Variants in SEMA5A observed in about 807,000 individuals in gnomAD.
SEMA5A encodes semaphorin-5A.
Under a neutral mutation model 135.5 loss-of-function variants are expected in SEMA5A, and 55 were observed. The ratio of observed to expected loss-of-function variants is 0.41; its 90% confidence interval spans 0.33 to 0.51. The LOEUF (loss-of-function observed/expected upper bound fraction) is 0.51. SEMA5A is among the 20% of genes least tolerant of loss of function. The pLI is 0.37. For missense variants in SEMA5A, 1,290 were observed against 1,419.9 expected, an observed-to-expected ratio of 0.91 and a Z score of 1.47; for synonymous variants, 580 against 546.5, an observed-to-expected ratio of 1.06 and a Z score of -0.85.
At chr5:9,432,311 T>A (rs570842429) in intron 2 of SEMA5A, among the ~76,000 whole-genome samples, 1 of 152,264 alleles carries the variant, frequency 6.6e-6, no homozygotes, top group East Asian at 1.9e-4. Flanking sequence ...TTATCCCAAA[T>A]TACAACCACT....
chr5:9,424,247 C>T (rs1757567977), intron 2 of SEMA5A, among the ~76,000 whole-genome samples: 1 of 152,108 alleles, frequency 6.6e-6, no homozygotes, highest in Non-Finnish European at 1.5e-5. Flanking sequence ...GATCTTATTT[C>T]CTATAGCCAG....
chr5:9,381,942 T>TTGTGTGTGTGTGTGTGTGTGTGTGTG (rs148157627), intron 2 of SEMA5A, among the ~76,000 whole-genome samples: 2 of 109,304 alleles, frequency 1.8e-5, no homozygotes, highest in African/African-American at 3.6e-5. Context: ...TAGAATCATT[T>TTGTGTGTGTGTGTGTGTGTGTGTGTG]TGTGTGTGTG....
At chr5:9,179,720 G>T (rs1433430396) in intron 11 of SEMA5A, among the ~76,000 whole-genome samples, 1 of 152,048 alleles carries the variant, frequency 6.6e-6, no homozygotes, top group Non-Finnish European at 1.5e-5. Flanking sequence ...TTTTAATCGG[G>T]CCTAAAACAA....
At chr5:9,466,108 T>C (rs988846726) in intron 1 of SEMA5A, among the ~76,000 whole-genome samples, 1 of 152,104 alleles carries the variant, frequency 6.6e-6, no homozygotes, top group African/African-American at 2.4e-5. Flanking sequence ...GGGGTGCAAG[T>C]ATCTGAGTAG....
intron 3 of SEMA5A, among the ~76,000 whole-genome samples, chr5:9,341,762 G>C (rs1351369295): frequency 1.3e-5 from 2 of 150,246 alleles, no homozygotes; most frequent in African/African-American, 4.9e-5. Context: ...TAATATTTGA[G>C]GTTAACTATC....
At chr5:9,047,974 A>G (rs1208627429) in intron 21 of SEMA5A, among the ~76,000 whole-genome samples, 8 of 152,162 alleles carry the variant, frequency 5.3e-5, no homozygotes, top group Non-Finnish European at 1.2e-4. Context: ...AGCAGGAGGA[A>G]AGTGAACTGC....
chr5:9,399,911 G>C (rs943065265), intron 2 of SEMA5A, among the ~76,000 whole-genome samples: 1 of 152,090 alleles, frequency 6.6e-6, no homozygotes, highest in Non-Finnish European at 1.5e-5. Context: ...AGATGGTGAA[G>C]GGGGATAAGA....
rs115125527 is a variant in SEMA5A at position 9,313,990 on chromosome 5, G to A, written c.270+4382C>T. Among the ~76,000 whole-genome samples the A allele has an allele frequency of 1.0e-2, 1,515 of 152,218 alleles. 16 individuals carry two copies. The highest frequency in any genetic ancestry group is 0.035 in the African/African-American group (1,459 of 41,522). ...GTCCTGCATAGGGGCAGGACCCAAG[G>A]ATGCCTTGTCTAGTGTTAAATAAAG... On this transcript the variant is annotated intron_variant, in intron 5 of 22. Transcript: ENST00000382496.
At chr5:9,134,729 T>C (rs542553089) in intron 13 of SEMA5A, among the ~76,000 whole-genome samples, 1 of 152,346 alleles carries the variant, frequency 6.6e-6, no homozygotes, top group South Asian at 2.1e-4. Flanking sequence ...TATTATCTTG[T>C]GCCTTTTTTA....
At chr5:9,222,073 G>T (rs1747035331) in intron 8 of SEMA5A, among the ~76,000 whole-genome samples, 1 of 152,194 alleles carries the variant, frequency 6.6e-6, no homozygotes, top group Non-Finnish European at 1.5e-5. Context: ...GGCTGGATTT[G>T]GTGGGAGTCA....
intron 1 of SEMA5A, among the ~76,000 whole-genome samples, chr5:9,487,018 G>GA (rs5865836): frequency 2.7e-5 from 4 of 149,028 alleles, no homozygotes; most frequent in East Asian, 3.9e-4. Flanking sequence ...GATTGTCTCT[G>GA]AAAAAAAAAA....
At chr5:9,054,934 G>T (rs778408632) in intron 18 of SEMA5A, among the ~76,000 whole-genome samples, 1 of 152,140 alleles carries the variant, frequency 6.6e-6, no homozygotes, top group Non-Finnish European at 1.5e-5. Flanking sequence ...GATATTAAGG[G>T]TGCAGTTTTA....
chr5:9,148,160 G>A (rs1039309237), intron 12 of SEMA5A, among the ~76,000 whole-genome samples: 6 of 152,146 alleles, frequency 3.9e-5, no homozygotes, highest in Admixed American at 2.0e-4. Context: ...AAATTCCATG[G>A]TGTTCAGAAA....
intron 2 of SEMA5A, among the ~76,000 whole-genome samples, chr5:9,384,599 GAT>G (rs1755767283): frequency 3.5e-5 from 4 of 112,776 alleles, no homozygotes; most frequent in African/African-American, 1.6e-4. Context: ...TAGATAGATA[GAT>G]AGATAGATAG....
At chr5:9,303,380 T>C (rs1403839086) in intron 5 of SEMA5A, among the ~76,000 whole-genome samples, 1 of 152,138 alleles carries the variant, frequency 6.6e-6, no homozygotes, top group East Asian at 1.9e-4. Context: ...CCTCCCAAAG[T>C]GCTGGGAACT....
chr5:9,102,752 G>T (rs1275504940), intron 16 of SEMA5A, among the ~76,000 whole-genome samples: 8 of 152,044 alleles, frequency 5.3e-5, no homozygotes. Context: ...AATAAGCAGT[G>T]GTTTGTAGAA....
intron 5 of SEMA5A, among the ~76,000 whole-genome samples, chr5:9,284,106 T>TAGAGAGAGAGAGAG (rs3034563): frequency 8.1e-5 from 12 of 148,486 alleles, no homozygotes; most frequent in African/African-American, 2.7e-4. Context: ...AGATAGATAT[T>TAGAGAGAGAGAGAG]AGAGAGAGAG....
chr5:9,111,606 T>C (rs1027792803), intron 15 of SEMA5A, among the ~76,000 whole-genome samples: 7 of 152,148 alleles, frequency 4.6e-5, no homozygotes, highest in African/African-American at 1.7e-4. Context: ...CCTATAGTAG[T>C]CCATGAAACA....
chr5:9,042,767 A>G lies in SEMA5A; in HGVS notation c.*130T>C. On this transcript the variant is annotated 3_prime_UTR_variant, in exon 23 of 23. Transcript: ENST00000382496. The stretch of plus-strand genomic sequence containing the variant: ...CGTGTATTTTTGGCAGCAATGGGAC[A>G]CTCTGGTGGCTTGAAATGCACTTGA... 2 of 1,104,508 alleles carry G rather than the reference A, an allele frequency of 1.8e-6. No homozygotes were observed. Among genetic ancestry groups the G allele is most frequent in the East Asian group, 2.5e-5 (1 of 40,816 alleles). 68.4% of individuals were successfully genotyped at this position (1,104,508 alleles called of 1,614,324 possible).
Sources: gnomAD v4.1 joint callset for allele counts (sites outside exome capture counted in the v4.1 genomes callset) on GRCh38, gnomAD v4.1.1 for gene constraint, MANE v1.5 for transcripts, NCBI Gene and HGNC (gene_info 2026-07-23, HGNC 2026-07-21) for gene names.